Variants in HIPK2 observed in about 807,000 individuals in gnomAD.
HIPK2 encodes homeodomain interacting protein kinase 2.
HIPK2 carries 27 observed loss-of-function variants against 113.7 expected under a neutral mutation model. That is an observed-to-expected ratio of 0.24 (90% CI 0.17 to 0.33). The LOEUF is 0.33. Ranked by LOEUF, HIPK2 falls within the 10% of genes least tolerant of loss-of-function variation. HIPK2 has a pLI of 1.00. For synonymous variants in HIPK2, 631 were observed against 642.2 expected, an observed-to-expected ratio of 0.98 and a Z score of 0.26; for missense variants, 1,257 against 1,588.0, an observed-to-expected ratio of 0.79 and a Z score of 3.54.
At chr7:139,734,362 T>C (rs927109964) in intron 1 of HIPK2, among the ~76,000 whole-genome samples, 4 of 152,202 alleles carry the variant, frequency 2.6e-5, no homozygotes, top group South Asian at 2.1e-4. Flanking sequence ...CAGTGACAAA[T>C]GCTCTGGTTT....
At chr7:139,676,860 CT>C (rs67132648) in intron 2 of HIPK2, among the ~76,000 whole-genome samples, 75,153 of 148,756 alleles carry the variant, frequency 0.51, 20,092 homozygotes, top group Non-Finnish European at 0.6. Context: ...TTCTTTTTTT[CT>C]TTTTCTTTTT....
intron 1 of HIPK2, among the ~76,000 whole-genome samples, chr7:139,748,499 T>C (rs1405958400): frequency 6.6e-6 from 1 of 151,828 alleles, no homozygotes; most frequent in East Asian, 1.9e-4. Context: ...GTTCCATGCC[T>C]CTCTCCTAGT....
chr7:139,636,765 C>G (rs1248682194), intron 2 of HIPK2, among the ~76,000 whole-genome samples: 1 of 152,134 alleles, frequency 6.6e-6, no homozygotes, highest in African/African-American at 2.4e-5. Context: ...TTCAGCAGCC[C>G]TAGGAAACTG....
At position 139,596,709 on chromosome 7, in the gene HIPK2, T is replaced by C; in HGVS notation, c.2717+8A>G. 6.2e-7 allele frequency: 1 copy of C among 1,607,094 alleles called. No homozygotes were observed. The stretch of plus-strand genomic sequence containing the variant: ...CCTTCCTGGAAGGCTAAGGTGGCAC[T>C]GCCTCACCTGGTGGGGGCGTGTTTC... On this transcript the variant is annotated splice_region_variant and intron_variant, in intron 12 of 14. Coordinates refer to ENST00000406875, the MANE Select transcript of HIPK2 (RefSeq NM_022740.5).
At chr7:139,696,455 C>T (rs1794570564) in intron 2 of HIPK2, among the ~76,000 whole-genome samples, 1 of 151,962 alleles carries the variant, frequency 6.6e-6, no homozygotes, top group Non-Finnish European at 1.5e-5. Context: ...CAGTGACACA[C>T]ACCTGTAGCC....
intron 13 of HIPK2, among the ~76,000 whole-genome samples, chr7:139,583,141 A>G (rs552462755): frequency 2.6e-5 from 4 of 152,248 alleles, no homozygotes; most frequent in Non-Finnish European, 5.9e-5. Context: ...TAGTCCCCAC[A>G]TTCTTCCACT....
At chr7:139,750,143 G>A (rs76600942) in intron 1 of HIPK2, among the ~76,000 whole-genome samples, 16,288 of 152,174 alleles carry the variant, frequency 0.11, 1,113 homozygotes, top group Non-Finnish European at 0.16. Context: ...TAAAGATGAC[G>A]GTGTCCCTGG....
intron 2 of HIPK2, among the ~76,000 whole-genome samples, chr7:139,640,394 G>A (rs998762403): frequency 2.0e-5 from 3 of 152,146 alleles, no homozygotes; most frequent in Non-Finnish European, 4.4e-5. Flanking sequence ...GAGGTGTAGA[G>A]GCTGCAGAAG....
At chr7:139,703,162 T>C (rs1268836002) in intron 2 of HIPK2, among the ~76,000 whole-genome samples, 1 of 152,296 alleles carries the variant, frequency 6.6e-6, no homozygotes, top group East Asian at 1.9e-4. Context: ...TAGAGGTCAT[T>C]AGGGGTAAAT....
intron 1 of HIPK2, among the ~76,000 whole-genome samples, chr7:139,749,011 G>C (rs1184245911): frequency 2.6e-5 from 4 of 152,204 alleles, no homozygotes; most frequent in Non-Finnish European, 5.9e-5. Flanking sequence ...GATTTAACAA[G>C]GTCCAAGAAC....
intron 9 of HIPK2, among the ~76,000 whole-genome samples, chr7:139,609,303 T>A (rs115550201): frequency 3.3e-4 from 51 of 152,240 alleles, no homozygotes; most frequent in African/African-American, 1.1e-3. Flanking sequence ...ATAAGCAGAA[T>A]GATTACCATT....
At chr7:139,686,097 C>T (rs192184243) in intron 2 of HIPK2, among the ~76,000 whole-genome samples, 35 of 152,284 alleles carry the variant, frequency 2.3e-4, no homozygotes, top group African/African-American at 2.9e-4. Context: ...CATGGAAAGA[C>T]GTCAACATGT....
chr7:139,591,144 G>A (rs548468536), intron 12 of HIPK2, among the ~76,000 whole-genome samples: 1 of 152,116 alleles, frequency 6.6e-6, no homozygotes, highest in East Asian at 1.9e-4. Flanking sequence ...ACCATGCCTG[G>A]CTCCTCCTTT....
intron 1 of HIPK2, among the ~76,000 whole-genome samples, chr7:139,740,156 AGAG>A (rs1585444095): frequency 6.6e-6 from 1 of 152,192 alleles, no homozygotes; most frequent in East Asian, 1.9e-4. Flanking sequence ...AAAGTCCCCC[AGAG>A]GTCCCAGGCA....
chr7:139,655,388 C>G (rs1182320238), intron 2 of HIPK2, among the ~76,000 whole-genome samples: 1 of 152,160 alleles, frequency 6.6e-6, no homozygotes, highest in Non-Finnish European at 1.5e-5. Context: ...TGGGGAGGCC[C>G]TGTGCAAGAG....
chr7:139,749,842 C>T (rs901467004), intron 1 of HIPK2, among the ~76,000 whole-genome samples: 1 of 152,196 alleles, frequency 6.6e-6, no homozygotes, highest in African/African-American at 2.4e-5. Flanking sequence ...CTGTCCACTC[C>T]CAACATCTTC....
At chr7:139,593,231 G>A (rs1420555257) in intron 12 of HIPK2, among the ~76,000 whole-genome samples, 1 of 152,216 alleles carries the variant, frequency 6.6e-6, no homozygotes, top group Non-Finnish European at 1.5e-5. Context: ...ATTTGGGTGA[G>A]TCACCTACCT....
In HIPK2 at chr7:139,571,664, A is replaced by C. The variant is rs959725783; in HGVS notation, c.*1263T>G. 10 of 152,220 alleles carry C rather than the reference A, an allele frequency of 6.6e-5. No individual in the cohort carries two copies. Among genetic ancestry groups the C allele is most frequent in the African/African-American group, 2.4e-4 (10 of 41,460 alleles). 9.4% of individuals were successfully genotyped at this position (152,220 alleles called of 1,614,324 possible). A position where few individuals can be genotyped will look rare whatever the true frequency, so the allele number is the denominator to read the frequency against. ...TTAACATTTTAAAAAGAAAAAGAAA[A>C]AGAAAAAAAAAAGGCCAGCGTAAAC... On this transcript the variant is annotated 3_prime_UTR_variant, in exon 15 of 15. Coordinates refer to ENST00000406875, the MANE Select transcript of HIPK2 (RefSeq NM_022740.5).
At chr7:139,706,662 G>A (rs1794907630) in intron 2 of HIPK2, among the ~76,000 whole-genome samples, 1 of 152,168 alleles carries the variant, frequency 6.6e-6, no homozygotes, top group Non-Finnish European at 1.5e-5. Context: ...CTATCTCAGA[G>A]CCCAGCCTGG....
Sources: allele counts gnomAD v4.1 joint callset (sites outside exome capture counted in the v4.1 genomes callset), GRCh38; gene constraint gnomAD v4.1.1; transcripts MANE v1.5; gene names NCBI Gene and HGNC (gene_info 2026-07-23, HGNC 2026-07-21).